RAD18: variants seen among roughly 807,000 people sequenced by gnomAD.
RAD18 encodes the protein RAD18 E3 ubiquitin protein ligase.
A neutral mutation model predicts 60.4 loss-of-function variants in RAD18; 47 were observed. That is an observed-to-expected ratio of 0.78 (90% CI 0.62 to 0.99). The LOEUF is 0.99. Among genes scored for constraint, RAD18 ranks in the 50% least tolerant of loss-of-function variants. The pLI is 0.00. For synonymous variants in RAD18, 225 were observed against 195.5 expected, an observed-to-expected ratio of 1.15 and a Z score of -1.26; for missense variants, 640 against 593.3, an observed-to-expected ratio of 1.08 and a Z score of -0.82.
At chr3:8,904,927 C>T (rs192304151) in intron 9 of RAD18, among the ~76,000 whole-genome samples, 2 of 152,288 alleles carry the variant, frequency 1.3e-5, no homozygotes, top group African/African-American at 4.8e-5. Flanking sequence ...AATAAAATCC[C>T]AGATTTAAAT....
At chr3:8,962,440 C>T (rs1941106373) in intron 1 of RAD18, among the ~76,000 whole-genome samples, 1 of 152,210 alleles carries the variant, frequency 6.6e-6, no homozygotes, top group Admixed American at 6.5e-5. Flanking sequence ...AAGAACAAGG[C>T]CTTCTACTTA....
chr3:8,883,389 T>C (rs1939506366), intron 12 of RAD18, among the ~76,000 whole-genome samples: 1 of 152,226 alleles, frequency 6.6e-6, no homozygotes, highest in South Asian at 2.1e-4. Context: ...TTTAGTGACT[T>C]TTCTAAACCA....
intron 11 of RAD18, among the ~76,000 whole-genome samples, chr3:8,891,560 T>C (rs940838541): frequency 6.6e-6 from 1 of 152,090 alleles, no homozygotes; most frequent in Admixed American, 6.5e-5. Flanking sequence ...TTAGAGGTGG[T>C]TAACAAAAAA....
intron 4 of RAD18, among the ~76,000 whole-genome samples, chr3:8,942,228 C>A (rs1940762431): frequency 6.6e-6 from 1 of 152,144 alleles, no homozygotes; most frequent in Non-Finnish European, 1.5e-5. Context: ...TAGCACCATT[C>A]CCTTAGTGCT....
intron 7 of RAD18, among the ~76,000 whole-genome samples, chr3:8,929,611 G>A (rs644094): frequency 0.69 from 104,712 of 151,648 alleles, 36,701 homozygotes; most frequent in Middle Eastern, 0.77. Flanking sequence ...AGACTAACAG[G>A]TGTTGGCAAG....
At position 8,961,541 on chromosome 3, in the gene RAD18, T is replaced by C. The variant is rs564383963; in HGVS notation, c.51+1794A>G. ...AACCATGGATTCTGAGTCAGACTTC[T>C]ATTCAATAAAAGAAGTAACTTCAGT... On this transcript the variant is annotated intron_variant, in intron 1 of 12. Coordinates refer to ENST00000264926, the MANE Select transcript of RAD18 (RefSeq NM_020165.4). Among the ~76,000 whole-genome samples the C allele has an allele frequency of 2.0e-5, 3 of 152,328 alleles. No individual in the cohort carries two copies. The East Asian group carries it at 5.8e-4, about 29-fold the overall frequency.
intron 2 of RAD18, among the ~76,000 whole-genome samples, chr3:8,956,769 G>C (rs1001938657): frequency 9.9e-6 from 1 of 100,776 alleles, no homozygotes; most frequent in Non-Finnish European, 1.7e-5. Flanking sequence ...AAATCCTCTC[G>C]CCTAACCAGG....
At chr3:8,915,154 A>AAAAC (rs1282204830) in intron 7 of RAD18, among the ~76,000 whole-genome samples, 2 of 151,240 alleles carry the variant, frequency 1.3e-5, no homozygotes, top group Non-Finnish European at 3.0e-5. Context: ...TCTCAAAAAA[A>AAAAC]AAAAAAAAAA....
intron 7 of RAD18, among the ~76,000 whole-genome samples, chr3:8,931,856 C>G (rs749139009): frequency 1.3e-5 from 2 of 151,946 alleles, no homozygotes; most frequent in African/African-American, 4.8e-5. Flanking sequence ...TATACATGGC[C>G]GTTAGGATTT....
At chr3:8,959,291 G>A (rs1025576132) in intron 1 of RAD18, among the ~76,000 whole-genome samples, 29 of 152,344 alleles carry the variant, frequency 1.9e-4, no homozygotes, top group African/African-American at 7.0e-4. Context: ...AAGGGCTACT[G>A]TACTTCTGTT....
intron 7 of RAD18, among the ~76,000 whole-genome samples, chr3:8,919,951 A>C (rs533731876): frequency 2.0e-5 from 3 of 152,354 alleles, no homozygotes; most frequent in Admixed American, 6.5e-5. Context: ...AATGAGTTAA[A>C]AATCTGTGAA....
intron 7 of RAD18, among the ~76,000 whole-genome samples, chr3:8,933,277 CA>C (rs955516971): frequency 6.6e-6 from 1 of 151,372 alleles, no homozygotes; most frequent in Admixed American, 6.6e-5. Context: ...ATTATAGGGA[CA>C]AAAAAAGAGA....
intron 7 of RAD18, among the ~76,000 whole-genome samples, chr3:8,917,075 G>A (rs1485602194): frequency 1.3e-5 from 2 of 151,870 alleles, no homozygotes; most frequent in African/African-American, 4.8e-5. Flanking sequence ...GGCCATCAGA[G>A]GAAAAAGACA....
chr3:8,881,550 C>T, intron 12 of RAD18, 91 bp from the exon 13 acceptor site: 1 of 986,476 alleles, frequency 1.0e-6, no homozygotes, highest in Non-Finnish European at 1.6e-6. Flanking sequence ...CATATTATTT[C>T]ATTAAAACCT....
At chr3:8,959,786 A>G (rs889682951) in intron 1 of RAD18, among the ~76,000 whole-genome samples, 5 of 151,772 alleles carry the variant, frequency 3.3e-5, no homozygotes, top group African/African-American at 1.2e-4. Flanking sequence ...GAAGCTCTCG[A>G]CGGGAGGATC....
Position 8,941,784 on chromosome 3 carries a change from G to A in RAD18, c.287C>T (p.Ala96Val), listed in dbSNP as rs761930867. 6.2e-7 allele frequency: 1 copy of A among 1,612,582 alleles called. No individual in the cohort carries two copies. The highest frequency in any genetic ancestry group is 1.7e-5 in the Admixed American group (1 of 59,822). ...NFARNHLLQF[A>V]LESPAKSPAS... ...AGGAGATTTGGCTGGTGACTCTAAA[G>A]CAAACTGCAGCAGATGATTCCTTGA... Residue 96 changes from alanine (A) to valine (V), a missense_variant, in exon 5 of 13, where the codon GCT becomes GTT. Ala to Val is a moderately conservative substitution (Grantham distance 64, BLOSUM62 0). Transcript: ENST00000264926.
intron 7 of RAD18, among the ~76,000 whole-genome samples, chr3:8,931,833 G>A (rs1465769792): frequency 1.3e-5 from 2 of 152,206 alleles, no homozygotes; most frequent in African/African-American, 2.4e-5. Flanking sequence ...ATTCTAGATA[G>A]ATTCACATGC....
chr3:8,893,012 G>C (rs1032262416), intron 11 of RAD18, among the ~76,000 whole-genome samples: 4 of 152,106 alleles, frequency 2.6e-5, no homozygotes, highest in Non-Finnish European at 5.9e-5. Context: ...ATTTAGCATA[G>C]AGCTTGGTAC....
chr3:8,912,634 T>C (rs1413035114), intron 8 of RAD18, among the ~76,000 whole-genome samples: 5 of 152,198 alleles, frequency 3.3e-5, no homozygotes, highest in Non-Finnish European at 7.3e-5. Flanking sequence ...ATAAATTTTC[T>C]ATTTTCAATA....
Sources: gnomAD v4.1 joint callset for allele counts (sites outside exome capture counted in the v4.1 genomes callset) on GRCh38, gnomAD v4.1.1 for gene constraint, MANE v1.5 for transcripts, NCBI Gene and HGNC (gene_info 2026-07-23, HGNC 2026-07-21) for gene names.